Variants in SPECC1 observed in about 807,000 individuals in gnomAD.
SPECC1 encodes cytospin-B.
Under a neutral mutation model 104.1 loss-of-function variants are expected in SPECC1, and 62 were observed. The ratio of observed to expected loss-of-function variants is 0.60; its 90% CI spans 0.49 to 0.74. SPECC1 has a LOEUF of 0.74. Among genes scored for constraint, SPECC1 ranks in the 30% least tolerant of loss-of-function variants. The pLI is 0.00. For missense variants in SPECC1, 1,306 were observed against 1,310.5 expected (o/e 1.00, Z 0.05); for synonymous variants, 513 against 501.6 (o/e 1.02, Z -0.30).
chr17:20,083,863 G>C (rs1174206699), intron 1 of SPECC1, among the ~76,000 whole-genome samples: 1 of 152,202 alleles, frequency 6.6e-6, no homozygotes, highest in East Asian at 1.9e-4. Flanking sequence ...TAGAGTTCCA[G>C]TTGCTCCATA....
At chr17:20,187,215 A>G (rs2035340809) in intron 3 of SPECC1, among the ~76,000 whole-genome samples, 1 of 152,072 alleles carries the variant, frequency 6.6e-6, no homozygotes, top group African/African-American at 2.4e-5. Flanking sequence ...GTACCAGTAT[A>G]CTACACCAGG....
chr17:20,146,360 G>C (rs577893584), intron 3 of SPECC1, among the ~76,000 whole-genome samples: 1 of 152,174 alleles, frequency 6.6e-6, no homozygotes, highest in African/African-American at 2.4e-5. Flanking sequence ...TGCATTTAAG[G>C]TTCCTCCATG....
chr17:20,143,404 C>T (rs893264536), intron 3 of SPECC1, among the ~76,000 whole-genome samples: 5 of 149,336 alleles, frequency 3.3e-5, no homozygotes, highest in African/African-American at 1.0e-4. Flanking sequence ...AAAAAAAAGT[C>T]CGAGCGTGGT....
chr17:20,301,731 A>G (rs2041591555), intron 13 of SPECC1, among the ~76,000 whole-genome samples: 1 of 152,078 alleles, frequency 6.6e-6, no homozygotes, highest in Non-Finnish European at 1.5e-5. Flanking sequence ...TTTGAGACAG[A>G]GTCTCACTCT....
intron 1 of SPECC1, among the ~76,000 whole-genome samples, chr17:20,032,300 G>GT (rs1351844451): frequency 6.6e-6 from 1 of 151,984 alleles, no homozygotes; most frequent in East Asian, 1.9e-4. Flanking sequence ...GATTGTATAG[G>GT]TTATTGCTTT....
chr17:20,200,340 T>G (rs1008551877), intron 3 of SPECC1, among the ~76,000 whole-genome samples: 3 of 152,228 alleles, frequency 2.0e-5, no homozygotes, highest in Admixed American at 2.0e-4. Context: ...AGTATAATTT[T>G]TCATTGGCAT....
At chr17:20,176,962 T>C (rs2034514623) in intron 3 of SPECC1, among the ~76,000 whole-genome samples, 1 of 152,162 alleles carries the variant, frequency 6.6e-6, no homozygotes, top group Non-Finnish European at 1.5e-5. Flanking sequence ...TGTAAACCTT[T>C]TATCATAGCA....
intron 4 of SPECC1, among the ~76,000 whole-genome samples, chr17:20,226,783 T>C (rs1438662824): frequency 2.0e-5 from 3 of 152,196 alleles, no homozygotes; most frequent in Non-Finnish European, 2.9e-5. Context: ...TCTATCACAT[T>C]TTTGCTGTGA....
At chr17:20,167,895 A>G (rs986581770) in intron 3 of SPECC1, among the ~76,000 whole-genome samples, 3 of 152,250 alleles carry the variant, frequency 2.0e-5, no homozygotes, top group Non-Finnish European at 2.9e-5. Flanking sequence ...TAGAAAAACT[A>G]TAACTTGTAC....
intron 4 of SPECC1, among the ~76,000 whole-genome samples, chr17:20,217,094 C>A (rs1032040707): frequency 1.3e-5 from 2 of 152,106 alleles, no homozygotes; most frequent in Non-Finnish European, 2.9e-5. Context: ...GAAGGGTAGG[C>A]TTTGGTCTCA....
At chr17:20,264,949 T>C (rs2040168370) in intron 12 of SPECC1, among the ~76,000 whole-genome samples, 1 of 152,220 alleles carries the variant, frequency 6.6e-6, no homozygotes, top group Non-Finnish European at 1.5e-5. Flanking sequence ...TTCTTTTATA[T>C]GGACATGATT....
chr17:20,300,454 CTG>C (rs772921166), intron 13 of SPECC1, among the ~76,000 whole-genome samples: 8 of 152,272 alleles, frequency 5.3e-5, no homozygotes, highest in Admixed American at 2.0e-4. Flanking sequence ...CTTTCTAACA[CTG>C]TGCTGGGTGA....
At chr17:20,101,050 T>A (rs1288921591) in intron 2 of SPECC1, among the ~76,000 whole-genome samples, 1 of 152,238 alleles carries the variant, frequency 6.6e-6, no homozygotes, top group Non-Finnish European at 1.5e-5. Flanking sequence ...CGCATTTTCT[T>A]TATCCAGTCT....
intron 7 of SPECC1, among the ~76,000 whole-genome samples, chr17:20,235,078 G>C (rs992108230): frequency 6.6e-6 from 1 of 152,260 alleles, no homozygotes; most frequent in African/African-American, 2.4e-5. Flanking sequence ...TCTGTTAAAA[G>C]AGGTGGGAAG....
intron 3 of SPECC1, among the ~76,000 whole-genome samples, chr17:20,161,475 T>TA (rs11406072): frequency 0.028 from 4,318 of 152,270 alleles, 195 homozygotes; most frequent in African/African-American, 0.097. Flanking sequence ...AGGTTAATTC[T>TA]AAAAATGGAA....
intron 3 of SPECC1, among the ~76,000 whole-genome samples, chr17:20,164,727 G>T (rs1390596469): frequency 1.3e-5 from 2 of 152,060 alleles, no homozygotes; most frequent in Non-Finnish European, 1.5e-5. Context: ...TAGAATTCTT[G>T]TTCACCACCT....
chr17:20,021,971 T>A (rs1438394134), intron 1 of SPECC1, among the ~76,000 whole-genome samples: 2 of 150,582 alleles, frequency 1.3e-5, no homozygotes, highest in Non-Finnish European at 2.9e-5. Context: ...AGATGGAGTT[T>A]CACTCAGTCG....
intron 1 of SPECC1, among the ~76,000 whole-genome samples, chr17:20,037,023 T>TA (rs1363629141): frequency 6.6e-6 from 1 of 152,220 alleles, no homozygotes; most frequent in East Asian, 1.9e-4. Context: ...CATGAATGGA[T>TA]ATTGGATTTT....
At chr17:20,047,574 T>C (rs2045585841) in intron 1 of SPECC1, among the ~76,000 whole-genome samples, 1 of 152,224 alleles carries the variant, frequency 6.6e-6, no homozygotes, top group Non-Finnish European at 1.5e-5. Context: ...AGCAGTTGTG[T>C]GTCTGTTGGA....
Sources: allele counts gnomAD v4.1 joint callset (sites outside exome capture counted in the v4.1 genomes callset), GRCh38; gene constraint gnomAD v4.1.1; transcripts MANE v1.5; gene names NCBI Gene and HGNC (gene_info 2026-07-23, HGNC 2026-07-21).